The following SRC variants were observed in gnomAD, a reference collection of about 807,000 sequenced individuals.
The protein encoded by SRC is SRC proto-oncogene, non-receptor tyrosine kinase.
A neutral mutation model predicts 62.9 loss-of-function variants in SRC; 13 were observed. The ratio of observed to expected loss-of-function variants is 0.21; its 90% CI spans 0.13 to 0.33. The LOEUF (loss-of-function observed/expected upper bound fraction) is 0.33, where lower values mean the gene tolerates loss of function less well. SRC is among the 10% of genes least tolerant of loss of function. The pLI, the probability that SRC is intolerant of heterozygous loss-of-function variation, is 1.00. For missense variants in SRC, 457 were observed against 737.3 expected, an observed-to-expected ratio of 0.62 and a Z score of 4.40; for synonymous variants, 302 against 317.5, an observed-to-expected ratio of 0.95 and a Z score of 0.52.
In SRC at chr20:37,405,273, T is replaced by C. The variant is rs1237183468; in HGVS notation, c.*1894T>C. The stretch of plus-strand genomic sequence containing the variant: ...GTGTTTTGTAGATTTCAGATGACTA[T>C]GCAGAGGCCTGGGGGACCCCTGGCT... On this transcript the variant is annotated 3_prime_UTR_variant, in exon 14 of 14. Transcript: ENST00000373578. The C allele has an allele frequency of 3.5e-5, 6 of 169,554 alleles. No homozygotes were observed. The highest frequency in any genetic ancestry group is 5.9e-5 in the Non-Finnish European group (5 of 84,814). 10.5% of individuals were successfully genotyped at this position (169,554 alleles called of 1,614,324 possible). A position where few individuals can be genotyped will look rare whatever the true frequency, so the allele number is the denominator to read the frequency against.
At chr20:37,349,019 G>A (rs2069762416) in intron 1 of SRC, among the ~76,000 whole-genome samples, 1 of 152,218 alleles carries the variant, frequency 6.6e-6, no homozygotes, top group Non-Finnish European at 1.5e-5. Context: ...GGGTGTATCA[G>A]CAGGGCTGGA....
intron 2 of SRC, among the ~76,000 whole-genome samples, chr20:37,368,418 AAAAC>A (rs1357418748): frequency 4.9e-4 from 74 of 151,716 alleles, no homozygotes; most frequent in African/African-American, 1.1e-3. Context: ...ACTCCGTCTC[AAAAC>A]AAACAGACAA....
At chr20:37,357,342 T>C (rs1462498558) in intron 1 of SRC, among the ~76,000 whole-genome samples, 1 of 152,208 alleles carries the variant, frequency 6.6e-6, no homozygotes, top group Non-Finnish European at 1.5e-5. Context: ...GGATGGGCCC[T>C]TCTCTTCTCT....
chr20:37,369,722 G>A (rs1373244879), intron 2 of SRC, among the ~76,000 whole-genome samples: 1 of 151,948 alleles, frequency 6.6e-6, no homozygotes, highest in Non-Finnish European at 1.5e-5. Flanking sequence ...TGATCTTGGG[G>A]GGATGGCACG....
intron 2 of SRC, among the ~76,000 whole-genome samples, chr20:37,381,019 C>T (rs1000215619): frequency 6.6e-6 from 1 of 152,012 alleles, no homozygotes; most frequent in African/African-American, 2.4e-5. Flanking sequence ...GGGTGTTATT[C>T]CCGATCGATA....
chr20:37,358,902 C>G (rs12480646), intron 1 of SRC, among the ~76,000 whole-genome samples: 1 of 152,256 alleles, frequency 6.6e-6, no homozygotes, highest in Non-Finnish European at 1.5e-5. Context: ...TGAGCATGTT[C>G]GCGCCGCGGA....
chr20:37,384,550 TGGGGGGGC>T lies in SRC; in HGVS notation c.250+150_250+157del. On this transcript the variant is annotated intron_variant, in intron 4 of 13. Transcript: ENST00000373578. This position sits in a 1 kb window ranked among gnomAD's most constrained non-coding sequence, Gnocchi z 6.7. Reference sequence around the variant, plus strand: ...CTGGGTGACTTGGGTGTCCGGGGGGTGGGGGGGCGGCCGTACACACTGTGAAGCGTCCG... The same window carrying T: ...CTGGGTGACTTGGGTGTCCGGGGGGTGGCCGTACACACTGTGAAGCGTCCG... 6.1e-6 allele frequency: 1 copy of T among 162,728 alleles called. No individual in the cohort carries two copies. The highest frequency in any genetic ancestry group is 8.9e-6 in the Non-Finnish European group (1 of 111,878). The allele number at this position is 162,728 out of a possible 1,614,324, so 10.1% of individuals were successfully genotyped here. A position where few individuals can be genotyped will look rare whatever the true frequency, so the allele number is the denominator to read the frequency against.
At position 37,386,531 on chromosome 20, in the gene SRC, G is replaced by C. The variant is rs2070458416; in HGVS notation, c.350+357G>C. On this transcript the variant is annotated intron_variant, in intron 5 of 13. Coordinates refer to ENST00000373578, the MANE Select transcript of SRC (RefSeq NM_198291.3). ...TGGGCGGGGTGCTTCGCGGGGGGTG[G>C]GGGCTGCTGTCTGCATGTGCTTCCA... is the stretch of plus-strand genomic sequence containing the variant. 6.2e-5 allele frequency: 44 copies of C among 707,666 alleles called. No individual in the cohort carries two copies. The South Asian group carries it at 6.4e-4, about 10-fold the overall frequency. The allele number at this position is 707,666 out of a possible 1,614,324, so 43.8% of individuals were successfully genotyped here. A position where few individuals can be genotyped will look rare whatever the true frequency, so the allele number is the denominator to read the frequency against.
intron 5 of SRC, among the ~76,000 whole-genome samples, chr20:37,390,190 A>G (rs1003820540): frequency 6.6e-6 from 1 of 152,172 alleles, no homozygotes; most frequent in African/African-American, 2.4e-5. Context: ...CTTTTTACAT[A>G]TGAGGAAACT....
Position 37,384,550 on chromosome 20 carries a change from T to TGGGGGGCGGGGGGGG in SRC, c.250+153_250+154insCGGGGGGGGGGGGGG. On this transcript the variant is annotated intron_variant, in intron 4 of 13. Transcript: ENST00000373578. The surrounding 1 kb of genome is among the most constrained non-coding windows in gnomAD (Gnocchi z 6.7). Reference sequence around the variant, plus strand: ...CTGGGTGACTTGGGTGTCCGGGGGGTGGGGGGGCGGCCGTACACACTGTGA... The same window carrying TGGGGGGCGGGGGGGG: ...CTGGGTGACTTGGGTGTCCGGGGGGTGGGGGGCGGGGGGGGGGGGGGGCGGCCGTACACACTGTGA... The TGGGGGGCGGGGGGGG allele has an allele frequency of 6.1e-6, 1 of 162,732 alleles. No homozygotes were observed. The highest frequency in any genetic ancestry group is 1.6e-4 in the East Asian group (1 of 6,228). 10.1% of individuals were successfully genotyped at this position (162,732 alleles called of 1,614,324 possible).
Position 37,404,725 on chromosome 20 carries a change from GAC to G in SRC, c.*1352_*1353del, listed in dbSNP as rs771286884. 1.2e-4 allele frequency: 29 copies of G among 233,434 alleles called. No individual in the cohort carries two copies. Among genetic ancestry groups the G allele is most frequent in the Non-Finnish European group, 2.2e-4 (26 of 118,096 alleles). 14.5% of individuals were successfully genotyped at this position (233,434 alleles called of 1,614,324 possible). On this transcript the variant is annotated 3_prime_UTR_variant, in exon 14 of 14. Coordinates refer to ENST00000373578, the MANE Select transcript of SRC (RefSeq NM_198291.3). ...AGCTCTGGTCCAGGCCCTGTGGCAGGACACACATGGTGAGCCTAGCCCTGGGA... is the reference window on the plus strand; with the variant it reads ...AGCTCTGGTCCAGGCCCTGTGGCAGGACACATGGTGAGCCTAGCCCTGGGA...
intron 1 of SRC, among the ~76,000 whole-genome samples, chr20:37,364,259 A>T (rs1012206108): frequency 2.6e-5 from 4 of 151,328 alleles, no homozygotes; most frequent in African/African-American, 9.7e-5. Context: ...GCTGTGTCTT[A>T]TGAGCTGTGT....
rs577920048 is a variant in SRC at position 37,380,178 on chromosome 20, C to T, written c.-172-2441C>T. On this transcript the variant is annotated intron_variant, in intron 2 of 13. Coordinates refer to ENST00000373578, the MANE Select transcript of SRC (RefSeq NM_198291.3). ...CATTCTTGCTCAAGGACGTTCTGCT[C>T]GGAGCTTTCTCAGGCTTTCTCTGGG... Among the ~76,000 whole-genome samples, 11 of 152,136 alleles carry T rather than the reference C, an allele frequency of 7.2e-5. No homozygotes were observed. The South Asian group carries it at 2.3e-3, about 32-fold the overall frequency.
intron 5 of SRC, among the ~76,000 whole-genome samples, chr20:37,392,418 A>G (rs1435706236): frequency 1.3e-5 from 2 of 152,142 alleles, no homozygotes; most frequent in Admixed American, 1.3e-4. Context: ...AAGAAGTGGG[A>G]GCCAGGGATC....
chr20:37,361,726 G>A (rs926987708), intron 1 of SRC, among the ~76,000 whole-genome samples: 100 of 152,212 alleles, frequency 6.6e-4, no homozygotes, highest in African/African-American at 2.4e-3. Context: ...TGCCACCTCA[G>A]TGTTCTCTGT....
chr20:37,368,555 T>TTTG (rs2070109331), intron 2 of SRC, among the ~76,000 whole-genome samples: 1 of 137,060 alleles, frequency 7.3e-6, no homozygotes, highest in African/African-American at 2.6e-5. Context: ...TTTTTTTTTT[T>TTTG]TTTGTTTTTT....
intron 1 of SRC, among the ~76,000 whole-genome samples, chr20:37,361,174 G>A (rs1222670756): frequency 6.6e-6 from 1 of 152,198 alleles, no homozygotes; most frequent in Non-Finnish European, 1.5e-5. Flanking sequence ...GGAAGCTAGA[G>A]GGTAGTTACG....
At position 37,403,103 on chromosome 20, in the gene SRC, C is replaced by T; in HGVS notation, c.1403-68C>T. On this transcript the variant is annotated intron_variant, in intron 13 of 13. Transcript: ENST00000373578. This position sits in a 1 kb window ranked among gnomAD's most constrained non-coding sequence, Gnocchi z 7.1. ...TAGGCAGGAAGCCCTCGCTGCCCTC[C>T]CCATCAGCTTCCCCCACCCCACTTT... 2.1e-6 allele frequency: 3 copies of T among 1,450,576 alleles called. No homozygotes were observed. In the South Asian group the frequency reaches 4.0e-5, roughly 19 times the overall value. 89.9% of individuals were successfully genotyped at this position (1,450,576 alleles called of 1,614,324 possible).
At chr20:37,353,866 C>A (rs1012525651) in intron 1 of SRC, among the ~76,000 whole-genome samples, 3 of 152,234 alleles carry the variant, frequency 2.0e-5, no homozygotes, top group African/African-American at 7.2e-5. Flanking sequence ...CTACCCCCAA[C>A]TGCTGTCACC....
Sources: allele counts gnomAD v4.1 joint callset (sites outside exome capture counted in the v4.1 genomes callset), GRCh38; gene constraint gnomAD v4.1.1; non-coding constraint Gnocchi (gnomAD v3.1); transcripts MANE v1.5; gene names NCBI Gene and HGNC (gene_info 2026-07-23, HGNC 2026-07-21).